MGST1: variants seen among roughly 807,000 people sequenced by gnomAD.
The protein encoded by MGST1 is glutathione S-transferase 12.
MGST1 carries 5 observed loss-of-function variants against 8.9 expected under a neutral mutation model. The ratio of observed to expected loss-of-function variants is 0.56; its 90% CI spans 0.29 to 1.19. The LOEUF (loss-of-function observed/expected upper bound fraction) is 1.19, where lower values mean the gene tolerates loss of function less well. Ranked by LOEUF, MGST1 falls within the 50% of genes most tolerant of loss-of-function variation. The probability of loss-of-function intolerance (pLI) is 0.08; values close to 1 mark genes in which losing one functional copy is unlikely to be tolerated. For synonymous variants in MGST1, 54 were observed against 67.8 expected, an observed-to-expected ratio of 0.80 and a Z score of 1.00; for missense variants, 182 against 187.4, an observed-to-expected ratio of 0.97 and a Z score of 0.17.
At chr12:16,427,153 G>T (rs1940898093) in intron 1 of MGST1, among the ~76,000 whole-genome samples, 1 of 152,070 alleles carries the variant, frequency 6.6e-6, no homozygotes, top group Non-Finnish European at 1.5e-5. Context: ...TTCTATTAAG[G>T]AGAAGTTAAA....
rs1460954119 is a variant in MGST1 at position 16,430,659 on chromosome 12, T to C, written n.779-6729T>C. On this transcript the variant is annotated intron_variant and non_coding_transcript_variant, in intron 1 of 1. Coordinates refer to the MGST1 transcript ENST00000359720. Reference sequence around the variant, plus strand: ...GGTCTTAACAGTGGACTTAAAATATTCAGTTAATAGTGCTATAAAAAGATG... The same window carrying C: ...GGTCTTAACAGTGGACTTAAAATATCCAGTTAATAGTGCTATAAAAAGATG... Among the ~76,000 whole-genome samples, 3 of 152,130 alleles carry C rather than the reference T, an allele frequency of 2.0e-5. No individual in the cohort carries two copies. In the East Asian group the frequency reaches 5.8e-4, roughly 29 times the overall value.
chr12:16,407,270 T>G (rs1940703728), intron 1 of MGST1, among the ~76,000 whole-genome samples: 1 of 152,132 alleles, frequency 6.6e-6, no homozygotes, highest in African/African-American at 2.4e-5. Context: ...CTGACACTTT[T>G]CAAAAGAAGG....
chr12:16,470,670 A>G (rs1330882595), intron 4 of MGST1, among the ~76,000 whole-genome samples: 1 of 152,202 alleles, frequency 6.6e-6, no homozygotes, highest in Non-Finnish European at 1.5e-5. Flanking sequence ...TTGAAGAGCT[A>G]ATTGAATCAT....
chr12:16,426,011 A>G (rs1940882733), intron 1 of MGST1, among the ~76,000 whole-genome samples: 1 of 152,138 alleles, frequency 6.6e-6, no homozygotes, highest in African/African-American at 2.4e-5. Flanking sequence ...TTATTATAAT[A>G]CAATAGACTC....
intron 4 of MGST1, among the ~76,000 whole-genome samples, chr12:16,470,121 T>C (rs1941282410): frequency 6.6e-6 from 1 of 152,196 alleles, no homozygotes; most frequent in African/African-American, 2.4e-5. Context: ...TAAGTATTAT[T>C]TTCTCCACAT....
At chr12:16,494,638 G>A (rs1054304134) in intron 4 of MGST1, among the ~76,000 whole-genome samples, 1 of 152,146 alleles carries the variant, frequency 6.6e-6, no homozygotes, top group African/African-American at 2.4e-5. Flanking sequence ...GGCCTTGCAT[G>A]GATGGGACCT....
chr12:16,571,897 A>C (rs1490462785), intron 4 of MGST1, among the ~76,000 whole-genome samples: 1 of 152,038 alleles, frequency 6.6e-6, no homozygotes, highest in African/African-American at 2.4e-5. Context: ...TATTTAATAT[A>C]AGCTAGTATT....
Position 16,503,634 on chromosome 12 carries a change from A to G in MGST1, n.483-85894A>G, listed in dbSNP as rs1464152172. Among the ~76,000 whole-genome samples, 1 of 152,114 alleles carries G rather than the reference A, an allele frequency of 6.6e-6. No individual in the cohort carries two copies. The highest frequency in any genetic ancestry group is 1.5e-5 in the Non-Finnish European group (1 of 68,016). On this transcript the variant is annotated intron_variant and non_coding_transcript_variant, in intron 4 of 4. Transcript: ENST00000538857. The surrounding 1 kb of genome is among the most constrained non-coding windows in gnomAD (Gnocchi z 4.8). ...TCTGGAGGTAGGGCTTGAACCCCAG[A>G]CCGAAAGGAGGGCTAGTTGAAATAG...
At chr12:16,510,585 T>C (rs1403253914) in intron 4 of MGST1, among the ~76,000 whole-genome samples, 3 of 152,234 alleles carry the variant, frequency 2.0e-5, no homozygotes, top group Middle Eastern at 3.2e-3. Flanking sequence ...TTTGAATTTG[T>C]ATTTTTAAAA....
intron 4 of MGST1, among the ~76,000 whole-genome samples, chr12:16,466,320 C>T (rs2137129986): frequency 6.6e-6 from 1 of 152,284 alleles, no homozygotes; most frequent in South Asian, 2.1e-4. Flanking sequence ...CCCACCATCC[C>T]TCTCTCAGGA....
rs899849749 is a variant in MGST1, at chr12:16,513,861, A to C, written n.483-75667A>C. The C allele has an allele frequency of 4.9e-6, 3 of 610,882 alleles. No individual in the cohort carries two copies. Among genetic ancestry groups the C allele is most frequent in the Non-Finnish European group, 9.5e-6 (3 of 315,926 alleles). 37.8% of individuals were successfully genotyped at this position (610,882 alleles called of 1,614,324 possible). On this transcript the variant is annotated intron_variant and non_coding_transcript_variant, in intron 4 of 4. Transcript: ENST00000538857. The surrounding 1 kb of genome is among the most constrained non-coding windows in gnomAD (Gnocchi z 4.2). ...GCCAAGATGTCTTTCTGCCCAAACC[A>C]ACCTGGGGAAGTCGCACACCCATCT...
intron 4 of MGST1, among the ~76,000 whole-genome samples, chr12:16,553,689 A>G (rs1359801993): frequency 6.6e-6 from 1 of 152,194 alleles, no homozygotes; most frequent in Non-Finnish European, 1.5e-5. Context: ...TACGACTGGT[A>G]TGCAATTAAG....
intron 4 of MGST1, among the ~76,000 whole-genome samples, chr12:16,468,636 A>G (rs570163951): frequency 3.3e-5 from 5 of 152,348 alleles, no homozygotes; most frequent in African/African-American, 1.2e-4. Flanking sequence ...AAACGTATAT[A>G]TATTTTAAAT....
At chr12:16,565,059 A>G (rs537911044) in intron 4 of MGST1, among the ~76,000 whole-genome samples, 1 of 152,312 alleles carries the variant, frequency 6.6e-6, no homozygotes, top group South Asian at 2.1e-4. Flanking sequence ...CAAAGTTATC[A>G]AATTATAGTG....
chr12:16,571,394 T>C lies in MGST1; in HGVS notation n.483-18134T>C, dbSNP rs16912036. On this transcript the variant is annotated intron_variant and non_coding_transcript_variant, in intron 4 of 4. Coordinates refer to the MGST1 transcript ENST00000538857. Reference sequence around the variant, plus strand: ...AAAGCAAATTTAATATCCAACACCATTTATCTCATTAGTATAAATAGTATA... The same window carrying C: ...AAAGCAAATTTAATATCCAACACCACTTATCTCATTAGTATAAATAGTATA... 5.3e-3 allele frequency among the ~76,000 whole-genome samples: 808 copies of C among 152,218 alleles called. 9 individuals are homozygous for C. The highest frequency in any genetic ancestry group is 0.019 in the African/African-American group (784 of 41,566).
chr12:16,422,885 G>A (rs1398770946), intron 1 of MGST1, among the ~76,000 whole-genome samples: 1 of 152,064 alleles, frequency 6.6e-6, no homozygotes, highest in Admixed American at 6.6e-5. Flanking sequence ...TGATGCTAAG[G>A]TTGTCTTGTT....
intron 4 of MGST1, among the ~76,000 whole-genome samples, chr12:16,532,892 T>G (rs759253537): frequency 1.3e-5 from 2 of 152,142 alleles, no homozygotes; most frequent in African/African-American, 2.4e-5. Context: ...ACCAAACTTA[T>G]GTAATAACAT....
chr12:16,437,547 ACTT>A (rs1425108971), exon 2 of MGST1: 1 of 152,074 alleles, frequency 6.6e-6, no homozygotes, highest in Non-Finnish European at 1.5e-5. Flanking sequence ...CTGACCTCAG[ACTT>A]CTTCTCAGCC....
rs945650947 is a variant in MGST1 at position 16,431,898 on chromosome 12, A to G, written n.779-5490A>G. Among the ~76,000 whole-genome samples the G allele has an allele frequency of 3.3e-5, 5 of 152,272 alleles. No individual in the cohort carries two copies. In the South Asian group the frequency reaches 8.3e-4, roughly 25 times the overall value. ...TAAAGTGAAGTGCAATAAAACAGGT[A>G]TACATGTATTTATTTCAACCATCAT... On this transcript the variant is annotated intron_variant and non_coding_transcript_variant, in intron 1 of 1. Transcript: ENST00000359720.
Sources: gnomAD v4.1 joint callset for allele counts (sites outside exome capture counted in the v4.1 genomes callset) on GRCh38, gnomAD v4.1.1 for gene constraint, Gnocchi (gnomAD v3.1) non-coding constraint, MANE v1.5 for transcripts, NCBI Gene and HGNC (gene_info 2026-07-23, HGNC 2026-07-21) for gene names.